NALF1: variants seen among roughly 807,000 people sequenced by gnomAD.
The protein encoded by NALF1 is family with sequence similarity 155 member A.
Under a neutral mutation model 48.4 loss-of-function variants are expected in NALF1, and 3 were observed. The ratio of observed to expected loss-of-function variants is 0.06; its 90% CI spans 0.03 to 0.16. The LOEUF is 0.16. NALF1 is among the 10% of genes least tolerant of loss of function. NALF1 has a pLI of 1.00. For synonymous variants in NALF1, 262 were observed against 245.7 expected (o/e 1.07, Z -0.62); for missense variants, 526 against 571.5 (o/e 0.92, Z 0.81).
In NALF1 at chr13:107,824,037, G is replaced by A. The variant is rs138406562; in HGVS notation, c.915+41645C>T. 3.4e-4 allele frequency among the ~76,000 whole-genome samples: 51 copies of A among 151,956 alleles called. 2 individuals carry two copies. The highest frequency in any genetic ancestry group is 1.2e-3 in the African/African-American group (48 of 41,468). On this transcript the variant is annotated intron_variant, in intron 1 of 2. Coordinates refer to ENST00000375915, the MANE Select transcript of NALF1 (RefSeq NM_001080396.3). ...CCATCATTCCTTAAAGGCAAAGGCT[G>A]TTCCTGTTTTCCTTATCCTGTGTAC... is the stretch of plus-strand genomic sequence containing the variant.
intron 1 of NALF1, among the ~76,000 whole-genome samples, chr13:107,685,331 A>C (rs2138499623): frequency 1.3e-5 from 2 of 152,214 alleles, no homozygotes; most frequent in Middle Eastern, 6.8e-3. Context: ...AACAAACAAA[A>C]AAACAAAAAC....
Position 107,356,829 on chromosome 13 carries a change from C to T in NALF1, c.916-146074G>A, listed in dbSNP as rs549065380. Among the ~76,000 whole-genome samples the T allele has an allele frequency of 1.3e-3, 193 of 152,348 alleles. 2 individuals carry two copies. Among genetic ancestry groups the T allele is most frequent in the African/African-American group, 4.4e-3 (182 of 41,586 alleles). ...CTGTTGTGGAATCAACCAGGACCAACACATTTCAAAACAATTGCCTAACTC... is the reference window on the plus strand; with the variant it reads ...CTGTTGTGGAATCAACCAGGACCAATACATTTCAAAACAATTGCCTAACTC... On this transcript the variant is annotated intron_variant, in intron 1 of 2. Coordinates refer to ENST00000375915, the MANE Select transcript of NALF1 (RefSeq NM_001080396.3).
chr13:107,300,474 G>A (rs1283316893), intron 1 of NALF1, among the ~76,000 whole-genome samples: 1 of 152,104 alleles, frequency 6.6e-6, no homozygotes, highest in African/African-American at 2.4e-5. Context: ...CAATTAGAAT[G>A]ATTCATATTA....
intron 1 of NALF1, among the ~76,000 whole-genome samples, chr13:107,820,833 T>C (rs1166513820): frequency 6.6e-6 from 1 of 152,242 alleles, no homozygotes; most frequent in African/African-American, 2.4e-5. Flanking sequence ...TTTCATGATC[T>C]AGTCCATAAT....
At chr13:107,641,703 A>C in intron 1 of NALF1, among the ~76,000 whole-genome samples, 1 of 152,150 alleles carries the variant, frequency 6.6e-6, no homozygotes, top group East Asian at 1.9e-4. Flanking sequence ...GGAGTCTCTA[A>C]GTCTCAATTT....
intron 1 of NALF1, among the ~76,000 whole-genome samples, chr13:107,610,878 A>G (rs2138432016): frequency 6.6e-6 from 1 of 152,252 alleles, no homozygotes; most frequent in Middle Eastern, 3.4e-3. Context: ...GGGCTGGGCG[A>G]GCTGACACTA....
chr13:107,812,272 T>G (rs1037211655), intron 1 of NALF1, among the ~76,000 whole-genome samples: 1 of 152,104 alleles, frequency 6.6e-6, no homozygotes, highest in African/African-American at 2.4e-5. Flanking sequence ...CCAAGTAAAT[T>G]TTGTCATTAT....
chr13:107,783,990 T>G (rs1158157057), intron 1 of NALF1, among the ~76,000 whole-genome samples: 1 of 152,038 alleles, frequency 6.6e-6, no homozygotes, highest in Non-Finnish European at 1.5e-5. Flanking sequence ...GTAGGATTAC[T>G]ATGTGCTGAT....
Position 107,739,722 on chromosome 13 carries a change from G to C in NALF1, c.915+125960C>G, listed in dbSNP as rs573732044. 4.2e-4 allele frequency among the ~76,000 whole-genome samples: 64 copies of C among 152,272 alleles called. 1 individual carries two copies. Among genetic ancestry groups the C allele is most frequent in the African/African-American group, 1.5e-3 (62 of 41,560 alleles). On this transcript the variant is annotated intron_variant, in intron 1 of 2. Coordinates refer to ENST00000375915, the MANE Select transcript of NALF1 (RefSeq NM_001080396.3). ...TTAGGAACGGGGCCACACAGCAGCA[G>C]GTGAGCAGTGGGTGAGCGAGCGGAA...
intron 1 of NALF1, among the ~76,000 whole-genome samples, chr13:107,452,272 C>G (rs1594070668): frequency 6.6e-6 from 1 of 152,246 alleles, no homozygotes; most frequent in Admixed American, 6.5e-5. Flanking sequence ...CATTTTCATA[C>G]TGCTATAAAG....
rs186036275 is a variant in NALF1, at chr13:107,328,754, G to A, written c.916-117999C>T. 2.0e-5 allele frequency among the ~76,000 whole-genome samples: 3 copies of A among 152,234 alleles called. No individual in the cohort carries two copies. In the East Asian group the frequency reaches 5.8e-4, roughly 29 times the overall value. The stretch of plus-strand genomic sequence containing the variant: ...TTGCAATCCATATGCTAAGCCTCTA[G>A]GTTCACAGCAGGAAATCAGGGTGAC... On this transcript the variant is annotated intron_variant, in intron 1 of 2. Transcript: ENST00000375915.
intron 1 of NALF1, among the ~76,000 whole-genome samples, chr13:107,591,950 A>G (rs1316356074): frequency 6.6e-6 from 1 of 151,874 alleles, no homozygotes; most frequent in Non-Finnish European, 1.5e-5. Flanking sequence ...GATTTCAAAT[A>G]TTTACCTAAC....
At chr13:107,599,104 GA>G (rs1242309244) in intron 1 of NALF1, among the ~76,000 whole-genome samples, 1 of 152,066 alleles carries the variant, frequency 6.6e-6, no homozygotes, top group African/African-American at 2.4e-5. Context: ...ATGCCTCAAG[GA>G]ATTTCTTTAG....
At chr13:107,191,951 G>C (rs1223568844) in intron 2 of NALF1, among the ~76,000 whole-genome samples, 2 of 150,802 alleles carry the variant, frequency 1.3e-5, no homozygotes, top group African/African-American at 2.4e-5. Context: ...CAAAGTGCTG[G>C]GATTACAGGC....
intron 1 of NALF1, among the ~76,000 whole-genome samples, chr13:107,829,292 G>A (rs772372901): frequency 6.6e-6 from 1 of 152,086 alleles, no homozygotes; most frequent in Non-Finnish European, 1.5e-5. Context: ...GAGCAGTAAC[G>A]AATAAAGTTT....
intron 1 of NALF1, among the ~76,000 whole-genome samples, chr13:107,847,673 G>T (rs1039580837): frequency 6.6e-6 from 1 of 152,138 alleles, no homozygotes; most frequent in Non-Finnish European, 1.5e-5. Context: ...TCAACAGCTC[G>T]CAGGGAGCAG....
intron 1 of NALF1, among the ~76,000 whole-genome samples, chr13:107,545,910 T>C (rs543151384): frequency 6.6e-6 from 1 of 152,298 alleles, no homozygotes; most frequent in East Asian, 1.9e-4. Flanking sequence ...TTTGCCTCTG[T>C]ACAGACTTCT....
At chr13:107,462,863 T>C (rs1433248266) in intron 1 of NALF1, among the ~76,000 whole-genome samples, 1 of 152,194 alleles carries the variant, frequency 6.6e-6, no homozygotes, top group African/African-American at 2.4e-5. Context: ...CCTATGCACC[T>C]TTTCCCTTTG....
chr13:107,547,676 A>T (rs147045265), intron 1 of NALF1, among the ~76,000 whole-genome samples: 1 of 152,114 alleles, frequency 6.6e-6, no homozygotes, highest in South Asian at 2.1e-4. Flanking sequence ...GCTCACACAC[A>T]CTGTCCTTGC....
Sources: allele counts gnomAD v4.1 joint callset (sites outside exome capture counted in the v4.1 genomes callset), GRCh38; gene constraint gnomAD v4.1.1; transcripts MANE v1.5; gene names NCBI Gene and HGNC (gene_info 2026-07-23, HGNC 2026-07-21).